The following KIF1B variants were observed in gnomAD, a reference collection of about 807,000 sequenced individuals.
The protein encoded by KIF1B is kinesin family member 1B, also known as kinesin-like protein KIF1B.
Under a neutral mutation model 241.9 loss-of-function variants are expected in KIF1B, and 76 were observed. The observed-to-expected ratio is 0.31, with a 90% CI of 0.26 to 0.38. The LOEUF (loss-of-function observed/expected upper bound fraction) is 0.38, where lower values mean the gene tolerates loss of function less well. Ranked by LOEUF, KIF1B falls within the 10% of genes least tolerant of loss-of-function variation. The pLI is 1.00. For missense variants in KIF1B, 1,622 were observed against 2,271.4 expected, an observed-to-expected ratio of 0.71 and a Z score of 5.81; for synonymous variants, 750 against 796.7, an observed-to-expected ratio of 0.94 and a Z score of 0.99.
intron 22 of KIF1B, among the ~76,000 whole-genome samples, chr1:10,300,237 A>AAATAATAATAATAATAAT (rs367822978): frequency 0.051 from 7,324 of 143,806 alleles, 239 homozygotes; most frequent in Admixed American, 0.087. Context: ...ACTCAGTGTC[A>AAATAATAATAATAATAAT]AATAATAATA....
chr1:10,309,415 T>G, intron 22 of KIF1B, among the ~76,000 whole-genome samples: 1 of 147,208 alleles, frequency 6.8e-6, no homozygotes, highest in African/African-American at 2.7e-5. Flanking sequence ...ACTGTGCTGA[T>G]GAGACTGTGG....
At chr1:10,248,448 ACCTCAG>A (rs963807693) in intron 2 of KIF1B, among the ~76,000 whole-genome samples, 7 of 152,012 alleles carry the variant, frequency 4.6e-5, no homozygotes, top group Admixed American at 1.3e-4. Flanking sequence ...TGATCCTCCT[ACCTCAG>A]CCTCCCAAAG....
intron 45 of KIF1B, among the ~76,000 whole-genome samples, chr1:10,373,351 C>T (rs1223331710): frequency 6.7e-6 from 1 of 150,040 alleles, no homozygotes; most frequent in African/African-American, 2.5e-5. Context: ...TCTCGTGCCT[C>T]AGCCTCCTGG....
At position 10,374,800 on chromosome 1, in the gene KIF1B, C is replaced by A; in HGVS notation, c.5097-54C>A. The A allele has an allele frequency of 6.5e-7, 1 of 1,545,190 alleles. No individual in the cohort carries two copies. Among genetic ancestry groups the A allele is most frequent in the Non-Finnish European group, 8.9e-7 (1 of 1,117,992 alleles). On this transcript the variant is annotated intron_variant, in intron 46 of 48. Coordinates refer to ENST00000676179, the MANE Select transcript of KIF1B (RefSeq NM_001365951.3). This position sits in a 1 kb window ranked among gnomAD's most constrained non-coding sequence, Gnocchi z 4.3. ...TGTGGCGTATTTTGATGGTCCTCAGCACGATTATTTTCTTTTTGTGAGAAA... is the reference window on the plus strand; with the variant it reads ...TGTGGCGTATTTTGATGGTCCTCAGAACGATTATTTTCTTTTTGTGAGAAA...
chr1:10,228,926 C>T (rs961990419), intron 1 of KIF1B, among the ~76,000 whole-genome samples: 21 of 152,046 alleles, frequency 1.4e-4, no homozygotes, highest in Non-Finnish European at 2.6e-4. Flanking sequence ...TTTATGGTAT[C>T]GGGGCCTGGG....
intron 2 of KIF1B, among the ~76,000 whole-genome samples, chr1:10,246,252 A>C (rs1318987443): frequency 6.6e-6 from 1 of 152,126 alleles, no homozygotes; most frequent in African/African-American, 2.4e-5. Context: ...GACCAAAAAT[A>C]TTGGAGTCAT....
intron 2 of KIF1B, among the ~76,000 whole-genome samples, chr1:10,246,995 G>A (rs983778893): frequency 2.6e-5 from 4 of 152,098 alleles, no homozygotes; most frequent in African/African-American, 9.7e-5. Flanking sequence ...CTCCCAAATA[G>A]CTGGGACTAC....
In KIF1B at chr1:10,380,162, C is replaced by T. The variant is rs1178810362; in HGVS notation, c.*3575C>T. 2.7e-5 allele frequency: 6 copies of T among 220,692 alleles called. No individual in the cohort carries two copies. Among genetic ancestry groups the T allele is most frequent in the Non-Finnish European group, 5.5e-5 (6 of 110,034 alleles). 13.7% of individuals were successfully genotyped at this position (220,692 alleles called of 1,614,324 possible). ...TCCAAAGCAAAGACTTTGTTGCCTG[C>T]TGCTTATTGTCTAATTTACAGGGAT... On this transcript the variant is annotated 3_prime_UTR_variant, in exon 49 of 49. Transcript: ENST00000676179.
At chr1:10,230,185 G>A (rs532701163) in intron 1 of KIF1B, among the ~76,000 whole-genome samples, 1 of 151,998 alleles carries the variant, frequency 6.6e-6, no homozygotes, top group Admixed American at 6.6e-5. Flanking sequence ...AGTGACTTTG[G>A]TTTTTATGTT....
At chr1:10,278,185 T>C (rs1475935523) in intron 13 of KIF1B, 57 bp downstream of exon 13, 2 of 1,542,552 alleles carry the variant, frequency 1.3e-6, no homozygotes, top group Admixed American at 1.7e-5. Context: ...GGGTTCTTAT[T>C]CAGCGTTCTT....
In KIF1B at chr1:10,356,934, C is replaced by T. The variant is rs536371645; in HGVS notation, c.4056-3995C>T. On this transcript the variant is annotated intron_variant, in intron 38 of 48. Coordinates refer to ENST00000676179, the MANE Select transcript of KIF1B (RefSeq NM_001365951.3). ...AATAAATAAATAAATAAATAAAGTG[C>T]GGTAGCATGATCATAGCTCACTGCA... Among the ~76,000 whole-genome samples, 5 of 145,502 alleles carry T rather than the reference C, an allele frequency of 3.4e-5. No homozygotes were observed. In the South Asian group the frequency reaches 8.6e-4, roughly 25 times the overall value.
chr1:10,365,311 C>T lies in KIF1B; in HGVS notation c.4512+66C>T, dbSNP rs1638537822. ...ACAAGATTGCCAAAGTATCAGTCTT[C>T]CTCCCCGCTGCTGCATGTGATCATA... On this transcript the variant is annotated intron_variant, in intron 42 of 48. Transcript: ENST00000676179. The surrounding 1 kb of genome is among the most constrained non-coding windows in gnomAD (Gnocchi z 4.0). 2 of 1,613,122 alleles carry T rather than the reference C, an allele frequency of 1.2e-6. No homozygotes were observed. Among genetic ancestry groups the T allele is most frequent in the Admixed American group, 1.7e-5 (1 of 59,864 alleles).
chr1:10,324,748 TA>T lies in KIF1B; in HGVS notation c.2538-9del. Reference sequence around the variant, plus strand: ...ATATTAACCCAATGTGCTTTGTGTTTACTAAATAGGCAGAGGCTGGATTTGA... The same window carrying T: ...ATATTAACCCAATGTGCTTTGTGTTTCTAAATAGGCAGAGGCTGGATTTGA... On this transcript the variant is annotated splice_polypyrimidine_tract_variant and intron_variant, in intron 25 of 48. Coordinates refer to ENST00000676179, the MANE Select transcript of KIF1B (RefSeq NM_001365951.3). 1 of 1,614,098 alleles carries T rather than the reference TA, an allele frequency of 6.2e-7. No individual in the cohort carries two copies. The highest frequency in any genetic ancestry group is 8.5e-7 in the Non-Finnish European group (1 of 1,179,968).
intron 43 of KIF1B, among the ~76,000 whole-genome samples, chr1:10,368,121 C>G (rs1325268674): frequency 6.6e-6 from 1 of 152,118 alleles, no homozygotes; most frequent in East Asian, 1.9e-4. Context: ...CATAGAACTT[C>G]CCTTACTATA....
intron 15 of KIF1B, among the ~76,000 whole-genome samples, chr1:10,284,917 G>A (rs1041834717): frequency 6.6e-6 from 1 of 152,098 alleles, no homozygotes; most frequent in Non-Finnish European, 1.5e-5. Flanking sequence ...GAACATGTAA[G>A]TGGAAAGTGA....
Position 10,360,998 on chromosome 1 carries a change from A to G in KIF1B, c.4125A>G (p.Thr1375=). ...LHNSLLLNRV[T]PYGEKIYMTL... is the part of the protein sequence containing the mutation. ...ACTCCCTTCTTCTGAACCGAGTGACACCCTATGGAGAAAAGATCTACATGA... is the reference window on the plus strand; with the variant it reads ...ACTCCCTTCTTCTGAACCGAGTGACGCCCTATGGAGAAAAGATCTACATGA... The change falls in exon 39 of 49, where the codon ACA becomes ACG. Residue 1375 remains threonine, a synonymous_variant. Coordinates refer to ENST00000676179, the MANE Select transcript of KIF1B (RefSeq NM_001365951.3). 1 of 1,613,812 alleles carries G rather than the reference A, an allele frequency of 6.2e-7. No individual in the cohort carries two copies. The highest frequency in any genetic ancestry group is 8.5e-7 in the Non-Finnish European group (1 of 1,179,918).
rs1016995919 is a variant in KIF1B, at chr1:10,231,932, A to G, written c.-79-318A>G. Among the ~76,000 whole-genome samples the G allele has an allele frequency of 4.6e-5, 7 of 152,116 alleles. No individual in the cohort carries two copies. The South Asian group carries it at 6.2e-4, about 14-fold the overall frequency. On this transcript the variant is annotated intron_variant, in intron 1 of 48. Transcript: ENST00000676179. ...AACAAATTTTAGTCTTTAATTTTCT[A>G]TTTAATAATTTACTGTTGGGAATAT...
intron 25 of KIF1B, 110 bp downstream of exon 25, chr1:10,324,172 C>T: frequency 9.3e-7 from 1 of 1,073,344 alleles, no homozygotes; most frequent in East Asian, 2.4e-5. Flanking sequence ...TGCTTACTTC[C>T]CTGTACTTTC....
At chr1:10,241,125 G>A (rs2102148923) in intron 2 of KIF1B, among the ~76,000 whole-genome samples, 1 of 152,170 alleles carries the variant, frequency 6.6e-6, no homozygotes, top group South Asian at 2.1e-4. Flanking sequence ...TTTTGTGTGT[G>A]TGTGTGAGAC....
Sources: allele counts gnomAD v4.1 joint callset (sites outside exome capture counted in the v4.1 genomes callset), GRCh38; gene constraint gnomAD v4.1.1; non-coding constraint Gnocchi (gnomAD v3.1); transcripts MANE v1.5; gene names NCBI Gene and HGNC (gene_info 2026-07-23, HGNC 2026-07-21).